Variants in COL4A6 observed in about 807,000 individuals in gnomAD.
The protein encoded by COL4A6 is collagen type IV alpha 6 chain.
A neutral mutation model predicts 126.7 loss-of-function variants in COL4A6; 59 were observed. The ratio of observed to expected loss-of-function variants is 0.47; its 90% CI spans 0.38 to 0.58. The LOEUF (loss-of-function observed/expected upper bound fraction) is 0.58. Among genes scored for constraint, COL4A6 ranks in the 20% least tolerant of loss-of-function variants. The pLI is 0.00. For synonymous variants in COL4A6, 547 were observed against 496.6 expected (o/e 1.10, Z -1.35); for missense variants, 1,285 against 1,337.3 (o/e 0.96, Z 0.61).
intron 3 of COL4A6, among the ~76,000 whole-genome samples, chrX:108,279,361 C>G (rs1345950274): frequency 5.3e-4 from 59 of 111,138 alleles, no homozygotes; most frequent in South Asian, 2.7e-3. Context: ...TGATAAAACA[C>G]ACTTTAAACC....
chrX:108,188,777 G>A (rs202054914), intron 20 of COL4A6, 100 bp from the exon 21 acceptor site: 2 of 811,304 alleles, frequency 2.5e-6, no homozygotes, highest in East Asian at 7.6e-5. Context: ...CTCCATAGAG[G>A]GAATCTGAAG....
rs746963227 is a variant in COL4A6 at position 108,349,134 on chromosome X, T to A, written c.64-38306A>T. ...CTGATTGTTAAATTTTCCCTCTAAT[T>A]CAGTAGAGTCATTGTTTGTTTGTCT... On this transcript the variant is annotated intron_variant, in intron 2 of 44. Transcript: ENST00000334504. Among the ~76,000 whole-genome samples the A allele has an allele frequency of 2.7e-5, 3 of 111,955 alleles. No individual in the cohort carries two copies. In the East Asian group the frequency reaches 8.4e-4, roughly 31 times the overall value.
intron 16 of COL4A6, among the ~76,000 whole-genome samples, chrX:108,193,937 A>G (rs2035134915): frequency 8.9e-6 from 1 of 112,672 alleles, no homozygotes; most frequent in South Asian, 3.6e-4. Context: ...AGGGATCCCA[A>G]TTTTATTTTG....
At chrX:108,236,388 A>T (rs776139726) in intron 3 of COL4A6, among the ~76,000 whole-genome samples, 1 of 111,378 alleles carries the variant, frequency 9.0e-6, no homozygotes, top group East Asian at 2.8e-4. Flanking sequence ...GCAAGAGGAA[A>T]GATCTCCCAA....
intron 8 of COL4A6, among the ~76,000 whole-genome samples, 174 bp downstream of exon 8, chrX:108,209,795 C>A (rs1237079430): frequency 3.6e-5 from 4 of 112,262 alleles, no homozygotes; most frequent in African/African-American, 1.3e-4. Flanking sequence ...GACAGTTCAT[C>A]CTCTCAGTGC....
intron 2 of COL4A6, among the ~76,000 whole-genome samples, chrX:108,425,642 G>C (rs925313476): frequency 9.2e-6 from 1 of 108,892 alleles, no homozygotes; most frequent in Non-Finnish European, 1.9e-5. Flanking sequence ...GCTGAGGCAG[G>C]AGAAGAGCTT....
intron 2 of COL4A6, among the ~76,000 whole-genome samples, chrX:108,365,273 C>T (rs1046283739): frequency 1.8e-5 from 2 of 111,997 alleles, no homozygotes; most frequent in African/African-American, 6.5e-5. Context: ...GAGGTTTTGT[C>T]TCAGCTATCC....
chrX:108,408,122 G>A (rs1012691964), intron 2 of COL4A6, among the ~76,000 whole-genome samples: 5 of 110,915 alleles, frequency 4.5e-5, no homozygotes, highest in African/African-American at 1.6e-4. Context: ...ACCAGCCTTG[G>A]CAATATATTG....
chrX:108,162,889 C>T lies in COL4A6; in HGVS notation c.4216+3G>A. Reference sequence around the variant, plus strand: ...AATCTCCTTTTTCTGGCACCCTCCTCACCTTGTAGGCCTACAGGGCCTTGA... The same window carrying T: ...AATCTCCTTTTTCTGGCACCCTCCTTACCTTGTAGGCCTACAGGGCCTTGA... On this transcript the variant is annotated splice_donor_region_variant and intron_variant, in intron 41 of 44. Transcript: ENST00000334504. 1 of 1,157,508 alleles carries T rather than the reference C, an allele frequency of 8.6e-7. No individual in the cohort carries two copies. The highest frequency in any genetic ancestry group is 1.1e-6 in the Non-Finnish European group (1 of 872,544).
intron 2 of COL4A6, among the ~76,000 whole-genome samples, chrX:108,396,388 C>T (rs1253900856): frequency 8.9e-6 from 1 of 111,743 alleles, no homozygotes; most frequent in Non-Finnish European, 1.9e-5. Flanking sequence ...AGAAGGTGAA[C>T]GAAACCTTTT....
chrX:108,330,098 G>A (rs763187110), intron 2 of COL4A6, among the ~76,000 whole-genome samples: 2 of 111,123 alleles, frequency 1.8e-5, no homozygotes, highest in Admixed American at 9.6e-5. Flanking sequence ...GGGATAGAAC[G>A]TAGAATTATG....
chrX:108,213,948 T>G lies in COL4A6; in HGVS notation c.441+164A>C. On this transcript the variant is annotated intron_variant, in intron 6 of 44. Transcript: ENST00000334504. The stretch of plus-strand genomic sequence containing the variant: ...CCCCACTGCAACTGGTATTCTTCTT[T>G]AGACTTTTACTGTTGTGGTGCTGCC... 6.4e-6 allele frequency: 3 copies of G among 469,342 alleles called. No homozygotes were observed. In the East Asian group the frequency reaches 1.1e-4, roughly 17 times the overall value. The allele number at this position is 469,342 out of a possible 1,213,427, so 38.7% of individuals were successfully genotyped here. A position where few individuals can be genotyped will look rare whatever the true frequency, so the allele number is the denominator to read the frequency against.
intron 3 of COL4A6, among the ~76,000 whole-genome samples, chrX:108,246,027 C>G (rs2036710683): frequency 9.0e-6 from 1 of 111,680 alleles, no homozygotes; most frequent in African/African-American, 3.3e-5. Context: ...TTGGGTTCCT[C>G]TGAACTACTG....
In COL4A6 at chrX:108,190,452, A is replaced by G; in HGVS notation, c.1366T>C (p.Phe456Leu). The part of the protein sequence containing the change: ...TETLHNKESG[F>L]PGLRGEQGPK... ...CCTTGTTCTCCTCGGAGACCAGGGA[A>G]CCCTGACTCTTTGTTGTGTAGAGTT... Residue 456 changes from phenylalanine (F) to leucine (L), a missense_variant, in exon 20 of 45, where the codon TTC becomes CTC. By Grantham distance (22) the Phe-to-Leu change is conservative. Transcript: ENST00000334504. 4.1e-6 allele frequency: 5 copies of G among 1,206,478 alleles called. No homozygotes were observed. The highest frequency in any genetic ancestry group is 4.5e-6 in the Non-Finnish European group (4 of 891,825).
intron 3 of COL4A6, among the ~76,000 whole-genome samples, chrX:108,307,177 T>C (rs182010205): frequency 1.4e-3 from 161 of 111,662 alleles, no homozygotes; most frequent in African/African-American, 5.1e-3. Context: ...ACCTAACTCC[T>C]AAGAAAGAAA....
At chrX:108,235,004 C>A (rs2036399650) in intron 3 of COL4A6, among the ~76,000 whole-genome samples, 1 of 111,127 alleles carries the variant, frequency 9.0e-6, no homozygotes, top group Non-Finnish European at 1.9e-5. Context: ...TGAAGGCCTA[C>A]CAATCAGCAC....
rs1470209500 is a variant in COL4A6 at position 108,395,247 on chromosome X, CTG to C, written c.63+42693_63+42694del. On this transcript the variant is annotated intron_variant, in intron 2 of 44. Coordinates refer to ENST00000334504, the MANE Select transcript of COL4A6 (RefSeq NM_033641.4). ...TTCATCAAAAGCTAAACATGTGTTA[CTG>C]TGTGATCTTCCACATGCTACCTCTG... Among the ~76,000 whole-genome samples, 3 of 111,943 alleles carry C rather than the reference CTG, an allele frequency of 2.7e-5. No homozygotes were observed. The East Asian group carries it at 8.4e-4, about 31-fold the overall frequency.
At chrX:108,367,015 C>G (rs2040213995) in intron 2 of COL4A6, among the ~76,000 whole-genome samples, 1 of 112,203 alleles carries the variant, frequency 8.9e-6, no homozygotes, top group Non-Finnish European at 1.9e-5. Flanking sequence ...GAGGGATAGA[C>G]TTAATTTGAA....
chrX:108,210,061 A>C, intron 7 of COL4A6, 57 bp from the exon 8 acceptor site: 1 of 1,117,699 alleles, frequency 8.9e-7, no homozygotes, highest in Non-Finnish European at 1.2e-6. Flanking sequence ...GCAATATTTC[A>C]GATAACTAAC....
Sources: gnomAD v4.1 joint callset for allele counts (sites outside exome capture counted in the v4.1 genomes callset) on GRCh38, gnomAD v4.1.1 for gene constraint, MANE v1.5 for transcripts, NCBI Gene and HGNC (gene_info 2026-07-23, HGNC 2026-07-21) for gene names.